KIAA0825: variants seen among roughly 807,000 people sequenced by gnomAD.
KIAA0825 encodes the protein KIAA0825, also known as uncharacterized protein KIAA0825.
KIAA0825 carries 119 observed loss-of-function variants against 147.6 expected under a neutral mutation model. That is an observed-to-expected ratio of 0.81 (90% confidence interval 0.69 to 0.94). The LOEUF is 0.94. KIAA0825 is among the 40% of genes least tolerant of loss of function. The pLI, the probability that KIAA0825 is intolerant of heterozygous loss-of-function variation, is 0.00. For missense variants in KIAA0825, 1,381 were observed against 1,472.7 expected (o/e 0.94, Z 1.02); for synonymous variants, 470 against 518.1 (o/e 0.91, Z 1.26).
chr5:94,488,537 G>T (rs369447418), intron 5 of KIAA0825, among the ~76,000 whole-genome samples: 23 of 151,786 alleles, frequency 1.5e-4, no homozygotes, highest in Admixed American at 9.2e-4. Flanking sequence ...ATAATGAGGA[G>T]ATAGTTGAGG....
At chr5:94,445,029 G>A (rs751505547) in intron 13 of KIAA0825, among the ~76,000 whole-genome samples, 34 of 152,050 alleles carry the variant, frequency 2.2e-4, no homozygotes, top group Non-Finnish European at 4.6e-4. Flanking sequence ...CGGCAGCAAC[G>A]CTAATCTAGC....
chr5:94,345,791 A>G lies in KIAA0825; in HGVS notation c.3710+38577T>C, dbSNP rs536243317. On this transcript the variant is annotated intron_variant, in intron 20 of 20. Transcript: ENST00000682413. ...GAAGGAAGGGCTTTATTCAGCCGGGAGCTTCGACAAGACTCATGTCTCCAA... is the reference window on the plus strand; with the variant it reads ...GAAGGAAGGGCTTTATTCAGCCGGGGGCTTCGACAAGACTCATGTCTCCAA... 8.7e-4 allele frequency among the ~76,000 whole-genome samples: 133 copies of G among 152,192 alleles called. 1 individual carries two copies. Among genetic ancestry groups the G allele is most frequent in the East Asian group, 5.4e-3 (28 of 5,144 alleles).
intron 20 of KIAA0825, among the ~76,000 whole-genome samples, chr5:94,247,955 T>C (rs750975905): frequency 9.9e-5 from 15 of 152,124 alleles, no homozygotes; most frequent in Non-Finnish European, 1.6e-4. Context: ...TAAAACTTCT[T>C]AGGAGTTTTT....
intron 2 of KIAA0825, among the ~76,000 whole-genome samples, chr5:94,558,404 G>A (rs1344697272): frequency 6.6e-6 from 1 of 152,204 alleles, no homozygotes; most frequent in Non-Finnish European, 1.5e-5. Flanking sequence ...GCATGTGTAT[G>A]AATGTTTTTT....
At chr5:94,245,016 A>AACTT (rs1199388668) in intron 20 of KIAA0825, among the ~76,000 whole-genome samples, 1 of 152,168 alleles carries the variant, frequency 6.6e-6, no homozygotes, top group Non-Finnish European at 1.5e-5. Context: ...CAGAATCTAA[A>AACTT]ACTTACTAGT....
intron 20 of KIAA0825, among the ~76,000 whole-genome samples, chr5:94,305,257 C>T (rs1172697226): frequency 1.3e-5 from 2 of 151,926 alleles, no homozygotes; most frequent in Non-Finnish European, 2.9e-5. Context: ...TTCCTATACA[C>T]AGGCCAAAAA....
rs1766552408 is a variant in KIAA0825, at chr5:94,152,188, A to C, written c.*1819T>G. On this transcript the variant is annotated 3_prime_UTR_variant, in exon 21 of 21. Coordinates refer to ENST00000682413, the MANE Select transcript of KIAA0825 (RefSeq NM_001145678.3). ...TTATGTATTTTTATTTAAAGAAAAA[A>C]TGTAAGAGATTTCCTAATGTGGCCT... Among the ~76,000 whole-genome samples, 1 of 152,182 alleles carries C rather than the reference A, an allele frequency of 6.6e-6. No homozygotes were observed. The highest frequency in any genetic ancestry group is 2.4e-5 in the African/African-American group (1 of 41,444).
At chr5:94,616,565 T>C (rs1447346250) in intron 1 of KIAA0825, among the ~76,000 whole-genome samples, 3 of 152,142 alleles carry the variant, frequency 2.0e-5, no homozygotes, top group Non-Finnish European at 4.4e-5. Flanking sequence ...CAAATATACA[T>C]GTATACAAAT....
chr5:94,425,010 C>A (rs1754667990), intron 14 of KIAA0825, among the ~76,000 whole-genome samples: 1 of 152,084 alleles, frequency 6.6e-6, no homozygotes, highest in Non-Finnish European at 1.5e-5. Flanking sequence ...AATCTCCCAA[C>A]AAAGAAAAGT....
intron 20 of KIAA0825, among the ~76,000 whole-genome samples, chr5:94,324,490 A>G (rs1004731782): frequency 1.3e-5 from 2 of 152,024 alleles, no homozygotes; most frequent in Middle Eastern, 3.2e-3. Context: ...AAATCCTACA[A>G]TAGCATGGCA....
chr5:94,294,400 C>G (rs753844867), intron 20 of KIAA0825, among the ~76,000 whole-genome samples: 9 of 152,158 alleles, frequency 5.9e-5, no homozygotes, highest in Non-Finnish European at 1.2e-4. Flanking sequence ...CTTAGTTTAG[C>G]TGGATATGAA....
chr5:94,249,742 G>A (rs919105069), intron 20 of KIAA0825, among the ~76,000 whole-genome samples: 1 of 146,768 alleles, frequency 6.8e-6, no homozygotes, highest in East Asian at 2.0e-4. Context: ...ATTTTTTTTT[G>A]TCACTCTATG....
intron 14 of KIAA0825, among the ~76,000 whole-genome samples, chr5:94,439,540 T>G (rs1488168629): frequency 1.4e-5 from 2 of 142,204 alleles, no homozygotes; most frequent in Non-Finnish European, 3.2e-5. Context: ...ACATCTTGCT[T>G]GTTTGTAAGT....
chr5:94,410,393 G>A (rs2150671916), intron 15 of KIAA0825, among the ~76,000 whole-genome samples: 1 of 152,268 alleles, frequency 6.6e-6, no homozygotes, highest in Admixed American at 6.5e-5. Flanking sequence ...GGGAGGGGGA[G>A]TGAAGTGGGG....
intron 11 of KIAA0825, among the ~76,000 whole-genome samples, chr5:94,464,661 G>A (rs938264507): frequency 1.3e-5 from 2 of 152,044 alleles, no homozygotes; most frequent in South Asian, 2.1e-4. Flanking sequence ...TTCTATAGAC[G>A]ATTTTAAGGA....
At chr5:94,531,086 G>C (rs547472823) in intron 3 of KIAA0825, among the ~76,000 whole-genome samples, 1 of 152,206 alleles carries the variant, frequency 6.6e-6, no homozygotes, top group South Asian at 2.1e-4. Context: ...TTGGCCAAGA[G>C]TAGGTGAAGC....
chr5:94,363,763 G>A (rs1040226893), intron 20 of KIAA0825, among the ~76,000 whole-genome samples: 6 of 151,892 alleles, frequency 4.0e-5, no homozygotes, highest in African/African-American at 1.5e-4. Flanking sequence ...AGCTATTCAG[G>A]AGGCTGAGGC....
chr5:94,539,577 C>T (rs550051832), intron 2 of KIAA0825, among the ~76,000 whole-genome samples: 2 of 152,080 alleles, frequency 1.3e-5, no homozygotes, highest in Non-Finnish European at 2.9e-5. Context: ...AAGAAACCCC[C>T]CAATCCAAAG....
intron 20 of KIAA0825, among the ~76,000 whole-genome samples, chr5:94,275,151 A>G (rs1406099105): frequency 6.6e-6 from 1 of 152,196 alleles, no homozygotes; most frequent in East Asian, 1.9e-4. Context: ...TCTGGAAATG[A>G]TGCACTAGCC....
Sources: gnomAD v4.1 joint callset for allele counts (sites outside exome capture counted in the v4.1 genomes callset) on GRCh38, gnomAD v4.1.1 for gene constraint, MANE v1.5 for transcripts, NCBI Gene and HGNC (gene_info 2026-07-23, HGNC 2026-07-21) for gene names.